Variants in NDUFB6 observed in about 807,000 individuals in gnomAD.
NDUFB6 encodes NADH:ubiquinone oxidoreductase subunit B6.
Under a neutral mutation model 17.5 loss-of-function variants are expected in NDUFB6, and 23 were observed. That is an observed-to-expected ratio of 1.31 (90% confidence interval 0.94 to 1.86). The LOEUF is 1.86. Ranked by LOEUF, NDUFB6 falls within the 40% of genes most tolerant of loss-of-function variation. The pLI is 0.00. For missense variants in NDUFB6, 167 were observed against 153.8 expected, an observed-to-expected ratio of 1.09 and a Z score of -0.46; for synonymous variants, 60 against 53.5, an observed-to-expected ratio of 1.12 and a Z score of -0.53.
intron 3 of NDUFB6, among the ~76,000 whole-genome samples, chr9:32,556,502 G>A (rs778013301): frequency 6.6e-6 from 1 of 152,198 alleles, no homozygotes; most frequent in Non-Finnish European, 1.5e-5. Flanking sequence ...TTGAGATTTG[G>A]AAGTTTGTTA....
intron 3 of NDUFB6, among the ~76,000 whole-genome samples, chr9:32,557,381 C>A (rs571058096): frequency 5.5e-4 from 84 of 151,888 alleles, no homozygotes; most frequent in African/African-American, 2.0e-3. Context: ...GTTGGCCAGG[C>A]TGGTCTCGAA....
chr9:32,556,229 G>T (rs1020921607), intron 3 of NDUFB6, among the ~76,000 whole-genome samples: 1 of 152,162 alleles, frequency 6.6e-6, no homozygotes, highest in Non-Finnish European at 1.5e-5. Flanking sequence ...CATGAACAGG[G>T]GTCTGGGAAA....
intron 2 of NDUFB6, chr9:32,568,055 G>GA (rs912282250): frequency 1.6e-4 from 25 of 160,142 alleles, no homozygotes; most frequent in South Asian, 2.2e-4. Flanking sequence ...GTCTCAAAAA[G>GA]AAAAAAAAAA....
chr9:32,571,061 A>G lies in NDUFB6; in HGVS notation c.181-9T>C, dbSNP rs755753506. On this transcript the variant is annotated splice_polypyrimidine_tract_variant and intron_variant, in intron 1 of 3. Transcript: ENST00000379847. Reference sequence around the variant, plus strand: ...TTGTATACCCCATGGACCTGGGGGGAAAAACACATACACAAAATAAACATA... The same window carrying G: ...TTGTATACCCCATGGACCTGGGGGGGAAAACACATACACAAAATAAACATA... The G allele has an allele frequency of 6.5e-6, 10 of 1,547,498 alleles. No homozygotes were observed. In the East Asian group the frequency reaches 1.8e-4, roughly 28 times the overall value.
rs1292690745 is a variant in NDUFB6 at position 32,553,306 on chromosome 9, A to C, written c.*570T>G. 1 of 174,044 alleles carries C rather than the reference A, an allele frequency of 5.7e-6. No homozygotes were observed. The highest frequency in any genetic ancestry group is 2.4e-5 in the African/African-American group (1 of 41,452). 10.8% of individuals were successfully genotyped at this position (174,044 alleles called of 1,614,324 possible). A position where few individuals can be genotyped will look rare whatever the true frequency, so the allele number is the denominator to read the frequency against. Reference sequence around the variant, plus strand: ...TGGGTTCACACCAATCTCGTGCCTCAGCCTCCGCAGTAGCTGGGACTACAG... The same window carrying C: ...TGGGTTCACACCAATCTCGTGCCTCCGCCTCCGCAGTAGCTGGGACTACAG... On this transcript the variant is annotated 3_prime_UTR_variant, in exon 4 of 4. Transcript: ENST00000379847.
At chr9:32,572,115 A>C (rs1331097140) in intron 1 of NDUFB6, among the ~76,000 whole-genome samples, 6 of 152,244 alleles carry the variant, frequency 3.9e-5, no homozygotes. Context: ...TAAAACCCCC[A>C]GTAGAGTGCC....
chr9:32,568,844 G>A (rs1333846558), intron 2 of NDUFB6, among the ~76,000 whole-genome samples: 3 of 145,978 alleles, frequency 2.1e-5, no homozygotes, highest in East Asian at 2.1e-4. Context: ...TCCGCCTCCC[G>A]GGTTCAAGCG....
chr9:32,572,658 C>T lies in NDUFB6; in HGVS notation c.180+223G>A, dbSNP rs1821968213. On this transcript the variant is annotated intron_variant, in intron 1 of 3. Transcript: ENST00000379847. ...AAACCTAAGTATTAAAATTCGCCCC[C>T]GTCCACTGTACTTGACAGTAAAAGG... is the stretch of plus-strand genomic sequence containing the variant. Among the ~76,000 whole-genome samples the T allele has an allele frequency of 2.6e-5, 4 of 152,322 alleles. No individual in the cohort carries two copies. The South Asian group carries it at 8.3e-4, about 32-fold the overall frequency.
chr9:32,566,397 G>T, intron 2 of NDUFB6: 1 of 982,740 alleles, frequency 1.0e-6, no homozygotes, highest in African/African-American at 1.6e-5. Flanking sequence ...CCAGGTTCCA[G>T]GTCCAGAAGA....
intron 2 of NDUFB6, chr9:32,566,898 G>A: frequency 1.7e-6 from 1 of 571,970 alleles, no homozygotes; most frequent in South Asian, 1.7e-5. Flanking sequence ...AAGCACTGAG[G>A]AAGCACCCGA....
intron 2 of NDUFB6, chr9:32,566,640 C>T (rs1364744483): frequency 2.5e-6 from 2 of 794,684 alleles, no homozygotes; most frequent in African/African-American, 3.4e-5. Flanking sequence ...CATGGAGGAG[C>T]AGGAGCTCAC....
chr9:32,568,055 GA>G (rs912282250), intron 2 of NDUFB6: 7 of 160,654 alleles, frequency 4.4e-5, no homozygotes, highest in Non-Finnish European at 7.5e-5. Flanking sequence ...GTCTCAAAAA[GA>G]AAAAAAAAAG....
Position 32,570,962 on chromosome 9 carries a change from A to C in NDUFB6, c.271T>G (p.Ser91Ala), listed in dbSNP as rs1208201386. ...AATTCTGAAAAGGACATACTTACAG[A>C]AACATGATACTTCATGTAATAATGA... ...IIHYYMKYHV[S>A]EKPYGIVEKK... Residue 91 changes from serine to alanine, a missense_variant and splice_region_variant, in exon 2 of 4, where the codon TCT (serine) becomes GCT (alanine). Coordinates refer to ENST00000379847, the MANE Select transcript of NDUFB6 (RefSeq NM_002493.5). The C allele has an allele frequency of 6.4e-7, 1 of 1,563,230 alleles. No individual in the cohort carries two copies. Among genetic ancestry groups the C allele is most frequent in the South Asian group, 1.2e-5 (1 of 86,238 alleles).
intron 2 of NDUFB6, chr9:32,566,421 CCT>C: frequency 3.5e-6 from 3 of 865,092 alleles, no homozygotes; most frequent in Admixed American, 1.7e-5. Flanking sequence ...GCCTGCTCTC[CCT>C]GTTACTGTAG....
Position 32,553,840 on chromosome 9 carries a change from T to A in NDUFB6, c.*36A>T. 2 of 1,360,636 alleles carry A rather than the reference T, an allele frequency of 1.5e-6. No homozygotes were observed. The highest frequency in any genetic ancestry group is 2.1e-6 in the Non-Finnish European group (2 of 957,468). 84.3% of individuals were successfully genotyped at this position (1,360,636 alleles called of 1,614,324 possible). A position where few individuals can be genotyped will look rare whatever the true frequency, so the allele number is the denominator to read the frequency against. Reference sequence around the variant, plus strand: ...TAAATATGGTAATATAGGAACAAACTTAGGCTCATAAGCCTTTTAACTTTT... The same window carrying A: ...TAAATATGGTAATATAGGAACAAACATAGGCTCATAAGCCTTTTAACTTTT... On this transcript the variant is annotated 3_prime_UTR_variant, in exon 4 of 4. Transcript: ENST00000379847.
chr9:32,567,093 C>A (rs1396057245), intron 2 of NDUFB6: 2 of 486,056 alleles, frequency 4.1e-6, no homozygotes, highest in Non-Finnish European at 8.5e-6. Context: ...CTGCACAGGG[C>A]CCGCAGCTTC....
At chr9:32,558,751 TTTTTG>T (rs935473171) in intron 3 of NDUFB6, among the ~76,000 whole-genome samples, 154 bp downstream of exon 3, 5 of 152,202 alleles carry the variant, frequency 3.3e-5, no homozygotes, top group Admixed American at 6.5e-5. Context: ...TTCCTGTTTT[TTTTTG>T]TTTTGTTTTG....
chr9:32,559,374 C>T (rs1821564717), intron 2 of NDUFB6, among the ~76,000 whole-genome samples: 1 of 152,240 alleles, frequency 6.6e-6, no homozygotes, highest in African/African-American at 2.4e-5. Context: ...AGCCTCCCTG[C>T]TTCCACTTGT....
At chr9:32,570,755 T>C (rs1821918553) in intron 2 of NDUFB6, among the ~76,000 whole-genome samples, 1 of 152,158 alleles carries the variant, frequency 6.6e-6, no homozygotes. Flanking sequence ...AGGAAATCCA[T>C]TTCAAGTTGT....
Sources: allele counts gnomAD v4.1 joint callset (sites outside exome capture counted in the v4.1 genomes callset), GRCh38; gene constraint gnomAD v4.1.1; transcripts MANE v1.5; gene names NCBI Gene and HGNC (gene_info 2026-07-23, HGNC 2026-07-21).